Variants in LPP observed in about 807,000 individuals in gnomAD.
LPP encodes LIM domain containing preferred translocation partner in lipoma, also known as lipoma-preferred partner.
LPP carries 38 observed loss-of-function variants against 60.4 expected under a neutral mutation model. That is an observed-to-expected ratio of 0.63 (90% CI 0.49 to 0.83). The LOEUF is 0.83. Among genes scored for constraint, LPP ranks in the 40% least tolerant of loss-of-function variants. The pLI, the probability that LPP is intolerant of heterozygous loss-of-function variation, is 0.00. For missense variants in LPP, 902 were observed against 783.6 expected (o/e 1.15, Z -1.80); for synonymous variants, 328 against 290.8 (o/e 1.13, Z -1.30).
At chr3:188,871,274 C>A (rs1041492970) in intron 10 of LPP, among the ~76,000 whole-genome samples, 1 of 152,142 alleles carries the variant, frequency 6.6e-6, no homozygotes, top group African/African-American at 2.4e-5. Context: ...CCACTGATGA[C>A]CCAGATTTAA....
intron 2 of LPP, among the ~76,000 whole-genome samples, chr3:188,273,589 CTTTTTTTTT>C (rs11380757): frequency 1.6e-3 from 131 of 80,438 alleles, no homozygotes; most frequent in African/African-American, 6.0e-3. Flanking sequence ...TATTTTATAT[CTTTTTTTTT>C]TTTTTTTTTT....
chr3:188,295,202 T>G (rs1747454304), intron 2 of LPP, among the ~76,000 whole-genome samples: 1 of 152,216 alleles, frequency 6.6e-6, no homozygotes, highest in Non-Finnish European at 1.5e-5. Flanking sequence ...CAATTAAACT[T>G]TAATGAACAA....
At chr3:188,686,156 C>T (rs567383036) in intron 7 of LPP, among the ~76,000 whole-genome samples, 1 of 152,218 alleles carries the variant, frequency 6.6e-6, no homozygotes, top group South Asian at 2.1e-4. Context: ...ATGAAATACT[C>T]AGCCCAGAGC....
chr3:188,884,455 C>T lies in LPP; in HGVS notation c.*9976C>T, dbSNP rs1043984249. On this transcript the variant is annotated 3_prime_UTR_variant, in exon 12 of 12. Coordinates refer to ENST00000617246, the MANE Select transcript of LPP (RefSeq NM_001375462.1). ...TTAGAGATCATTTAGAGCTTGCACACATCTGTGTCTTCTTGTGGGAAACCT... is the reference window on the plus strand; with the variant it reads ...TTAGAGATCATTTAGAGCTTGCACATATCTGTGTCTTCTTGTGGGAAACCT... 2 of 229,538 alleles carry T rather than the reference C, an allele frequency of 8.7e-6. No homozygotes were observed. Among genetic ancestry groups the T allele is most frequent in the Non-Finnish European group, 1.7e-5 (2 of 115,794 alleles). The allele number at this position is 229,538 out of a possible 1,614,324, so 14.2% of individuals were successfully genotyped here. A position where few individuals can be genotyped will look rare whatever the true frequency, so the allele number is the denominator to read the frequency against.
intron 3 of LPP, among the ~76,000 whole-genome samples, chr3:188,351,496 A>C (rs986729172): frequency 1.3e-5 from 2 of 152,150 alleles, no homozygotes; most frequent in Non-Finnish European, 2.9e-5. Context: ...CTAAGAATAA[A>C]GGTAATACAG....
intron 5 of LPP, among the ~76,000 whole-genome samples, chr3:188,485,988 T>C (rs1806389727): frequency 6.6e-6 from 1 of 152,054 alleles, no homozygotes; most frequent in Non-Finnish European, 1.5e-5. Flanking sequence ...GAACATAAAA[T>C]ATATTGAATT....
intron 9 of LPP, among the ~76,000 whole-genome samples, chr3:188,808,526 T>C (rs1329219337): frequency 6.6e-6 from 1 of 152,122 alleles, no homozygotes; most frequent in East Asian, 1.9e-4. Context: ...GTTATTTTCC[T>C]GGGGCTGAAG....
At position 188,712,219 on chromosome 3, in the gene LPP, A is replaced by G. The variant is rs1198856704; in HGVS notation, c.1240+3826A>G. ...CCAGGATGCACTTCTTACCAGCAAGATGAAATCAAGAGGCAAAGGACTAGT... is the reference window on the plus strand; with the variant it reads ...CCAGGATGCACTTCTTACCAGCAAGGTGAAATCAAGAGGCAAAGGACTAGT... On this transcript the variant is annotated intron_variant, in intron 8 of 11. Coordinates refer to ENST00000617246, the MANE Select transcript of LPP (RefSeq NM_001375462.1). 6 of 152,382 alleles carry G rather than the reference A, an allele frequency of 3.9e-5. No homozygotes were observed. In the East Asian group the frequency reaches 1.2e-3, roughly 29 times the overall value. 9.4% of individuals were successfully genotyped at this position (152,382 alleles called of 1,614,324 possible).
At chr3:188,233,355 G>A (rs1720759220) in intron 2 of LPP, among the ~76,000 whole-genome samples, 1 of 152,306 alleles carries the variant, frequency 6.6e-6, no homozygotes, top group South Asian at 2.1e-4. Context: ...GGTGCCATTA[G>A]CAACCTCTTC....
At chr3:188,629,845 C>A (rs1847536605) in intron 7 of LPP, among the ~76,000 whole-genome samples, 1 of 152,072 alleles carries the variant, frequency 6.6e-6, no homozygotes, top group Non-Finnish European at 1.5e-5. Context: ...TGCAAGACTG[C>A]AGTAACTAAA....
intron 9 of LPP, among the ~76,000 whole-genome samples, chr3:188,798,512 T>G (rs530780970): frequency 5.3e-5 from 8 of 152,224 alleles, no homozygotes; most frequent in Non-Finnish European, 1.2e-4. Context: ...CTCAACATCC[T>G]AAGTTCATTT....
chr3:188,714,005 T>G (rs1439318266), intron 8 of LPP, among the ~76,000 whole-genome samples: 1 of 152,166 alleles, frequency 6.6e-6, no homozygotes, highest in Non-Finnish European at 1.5e-5. Flanking sequence ...TAGAGCTCCA[T>G]ATGTTTAAAA....
At chr3:188,359,207 T>TC (rs1158737581) in intron 3 of LPP, among the ~76,000 whole-genome samples, 1 of 152,200 alleles carries the variant, frequency 6.6e-6, no homozygotes, top group African/African-American at 2.4e-5. Flanking sequence ...CAGCCAACAG[T>TC]CCCCTTTTGA....
chr3:188,526,583 G>A (rs1820646136), intron 6 of LPP, among the ~76,000 whole-genome samples: 1 of 152,190 alleles, frequency 6.6e-6, no homozygotes, highest in South Asian at 2.1e-4. Flanking sequence ...GAGCCACTGT[G>A]CGTAGCTGCT....
At chr3:188,818,838 A>G (rs1043619500) in intron 9 of LPP, among the ~76,000 whole-genome samples, 1 of 152,170 alleles carries the variant, frequency 6.6e-6, no homozygotes, top group Non-Finnish European at 1.5e-5. Context: ...CCTTGCAAAT[A>G]CCTAATATAC....
At chr3:188,571,946 A>G (rs1833637475) in intron 6 of LPP, among the ~76,000 whole-genome samples, 1 of 152,098 alleles carries the variant, frequency 6.6e-6, no homozygotes, top group African/African-American at 2.4e-5. Flanking sequence ...TAATCATGAC[A>G]TAGCGGCCAT....
chr3:188,493,223 T>C (rs1808919536), intron 5 of LPP, among the ~76,000 whole-genome samples: 1 of 152,210 alleles, frequency 6.6e-6, no homozygotes, highest in Admixed American at 6.5e-5. Context: ...TTGCTTTACT[T>C]CAGTATTGTA....
chr3:188,809,263 T>C lies in LPP; in HGVS notation c.1410+48981T>C, dbSNP rs536653184. Among the ~76,000 whole-genome samples the C allele has an allele frequency of 8.5e-5, 13 of 152,314 alleles. No homozygotes were observed. In the South Asian group the frequency reaches 2.7e-3, roughly 32 times the overall value. Reference sequence around the variant, plus strand: ...AGATCCTTGAGGAATCACCACACTGTCTTCCACAATGGCTGAACTAATTTA... The same window carrying C: ...AGATCCTTGAGGAATCACCACACTGCCTTCCACAATGGCTGAACTAATTTA... On this transcript the variant is annotated intron_variant, in intron 9 of 11. Transcript: ENST00000617246.
chr3:188,827,153 A>C (rs948323308), intron 9 of LPP, among the ~76,000 whole-genome samples: 1 of 152,146 alleles, frequency 6.6e-6, no homozygotes, highest in Admixed American at 6.5e-5. Flanking sequence ...TCTAGCCACA[A>C]CCACCTCTCA....
Sources: gnomAD v4.1 joint callset for allele counts (sites outside exome capture counted in the v4.1 genomes callset) on GRCh38, gnomAD v4.1.1 for gene constraint, MANE v1.5 for transcripts, NCBI Gene and HGNC (gene_info 2026-07-23, HGNC 2026-07-21) for gene names.